The following RNF123 variants were observed in gnomAD, a reference collection of about 807,000 sequenced individuals.
The protein encoded by RNF123 is ring finger protein 123.
Under a neutral mutation model 168.5 loss-of-function variants are expected in RNF123, and 86 were observed. The ratio of observed to expected loss-of-function variants is 0.51; its 90% CI spans 0.43 to 0.61. The LOEUF (loss-of-function observed/expected upper bound fraction) is 0.61, where lower values mean the gene tolerates loss of function less well. Ranked by LOEUF, RNF123 falls within the 20% of genes least tolerant of loss-of-function variation. RNF123 has a pLI of 0.00. For synonymous variants in RNF123, 666 were observed against 689.1 expected (o/e 0.97, Z 0.52); for missense variants, 1,419 against 1,729.7 (o/e 0.82, Z 3.19).
At chr3:49,694,709 G>A (rs1486212387) in intron 3 of RNF123, among the ~76,000 whole-genome samples, 1 of 152,182 alleles carries the variant, frequency 6.6e-6, no homozygotes, top group African/African-American at 2.4e-5. Flanking sequence ...AGGCAGCAAC[G>A]TTACCTGTTC....
chr3:49,713,599 C>G lies in RNF123; in HGVS notation c.2749+12C>G. 2 of 1,610,160 alleles carry G rather than the reference C, an allele frequency of 1.2e-6. No homozygotes were observed. Among genetic ancestry groups the G allele is most frequent in the Non-Finnish European group, 1.7e-6 (2 of 1,178,304 alleles). ...CATTGTGGGCACTGGTGAGGGGCCC[C>G]TACAGAGGGTACAGGGGGAGGGGGA... On this transcript the variant is annotated intron_variant, in intron 28 of 38. Transcript: ENST00000327697.
chr3:49,701,824 C>A lies in RNF123; in HGVS notation c.1409C>A (p.Thr470Lys). The A allele has an allele frequency of 6.4e-7, 1 of 1,572,558 alleles. No homozygotes were observed. The highest frequency in any genetic ancestry group is 8.6e-7 in the Non-Finnish European group (1 of 1,159,164). Residue 470 changes from threonine (T) to lysine (K), a missense_variant, in exon 17 of 39, where the codon ACG becomes AAG. By Grantham distance (78) the Thr-to-Lys change is moderately conservative. Around this residue, in one of 5 missense-constraint regions of RNF123, gnomAD observed 349 missense variants for 344.9 expected, o/e 1.01. Transcript: ENST00000327697. ...HCSSREGKES[T>K]EMKEETAEER... ...ACCCCTGCCTAGGGCAAAGAGAGCACGGAGATGAAGGAGGAGACCGCAGAG... is the reference window on the plus strand; with the variant it reads ...ACCCCTGCCTAGGGCAAAGAGAGCAAGGAGATGAAGGAGGAGACCGCAGAG...
In RNF123 at chr3:49,697,872, C is replaced by G. The variant is rs771235721; in HGVS notation, c.343-13C>G. The G allele has an allele frequency of 6.2e-7, 1 of 1,614,062 alleles. No individual in the cohort carries two copies. Among genetic ancestry groups the G allele is most frequent in the Non-Finnish European group, 8.5e-7 (1 of 1,180,042 alleles). On this transcript the variant is annotated splice_polypyrimidine_tract_variant and intron_variant, in intron 5 of 38. Coordinates refer to ENST00000327697, the MANE Select transcript of RNF123 (RefSeq NM_022064.5). ...GCCTGGGAGCTAGCCCACCACCCCT[C>G]TTCTTCACCCAGGTGATTGGACACA...
chr3:49,694,073 G>A (rs1019094158), intron 3 of RNF123, among the ~76,000 whole-genome samples: 7 of 151,980 alleles, frequency 4.6e-5, no homozygotes, highest in African/African-American at 9.7e-5. Context: ...TTTGTTGATC[G>A]TTTACTTTGC....
At chr3:49,697,483 C>T (rs773254792) in intron 5 of RNF123, 26 bp downstream of exon 5, 2 of 1,531,968 alleles carry the variant, frequency 1.3e-6, no homozygotes, top group Admixed American at 1.9e-5. Flanking sequence ...GTGTGGAGAC[C>T]CAGGTCCAGC....
chr3:49,719,274 C>T (rs758165560), intron 35 of RNF123: 4 of 1,613,346 alleles, frequency 2.5e-6, no homozygotes, highest in Admixed American at 1.7e-5. Flanking sequence ...GGTCGAGGTC[C>T]GCAGTAGCGG....
chr3:49,717,892 G>T lies in RNF123; in HGVS notation c.3500+1415G>T. The T allele has an allele frequency of 1.9e-6, 3 of 1,541,648 alleles. No homozygotes were observed. The East Asian group carries it at 6.8e-5, about 35-fold the overall frequency. ...GTATCTGCCAGTTCTCTGGACCGAA[G>T]CAGGGAGCAGGGCGAGCAGCAAGAG... On this transcript the variant is annotated intron_variant, in intron 35 of 38. Coordinates refer to ENST00000327697, the MANE Select transcript of RNF123 (RefSeq NM_022064.5).
At position 49,699,390 on chromosome 3, in the gene RNF123, G is replaced by A. The variant is rs961906809; in HGVS notation, c.765-78G>A. ...AGCCCTGCCCTAGAGCCCAGGCCCC[G>A]GGGTGGGGGGTGGGCAGTGGAGAGG... On this transcript the variant is annotated intron_variant, in intron 10 of 38. Coordinates refer to ENST00000327697, the MANE Select transcript of RNF123 (RefSeq NM_022064.5). The surrounding 1 kb of genome is among the most constrained non-coding windows in gnomAD (Gnocchi z 4.8). 5 of 1,282,958 alleles carry A rather than the reference G, an allele frequency of 3.9e-6. No individual in the cohort carries two copies. Among genetic ancestry groups the A allele is most frequent in the East Asian group, 2.5e-5 (1 of 39,426 alleles). 79.5% of individuals were successfully genotyped at this position (1,282,958 alleles called of 1,614,324 possible).
intron 23 of RNF123, 32 bp downstream of exon 23, chr3:49,705,214 G>A (rs746799631): frequency 6.5e-5 from 102 of 1,571,912 alleles, no homozygotes; most frequent in Non-Finnish European, 8.2e-5. Flanking sequence ...GCAGGTCCCC[G>A]AAGGACCCTT....
In RNF123 at chr3:49,698,757, G is replaced by A. The variant is rs201247664; in HGVS notation, c.573G>A (p.Ala191=). Residue 191 remains alanine, a splice_region_variant and synonymous_variant, in exon 9 of 39, where the codon GCG becomes GCA. Coordinates refer to ENST00000327697, the MANE Select transcript of RNF123 (RefSeq NM_022064.5). The part of the protein sequence containing the change: ...WNVTTTNYGK[A]WAAGDIVSCL... ...GGTGAGGCCTCCTCTCATGGCAGGCGTGGGCAGCGGGGGACATCGTGAGCT... is the reference window on the plus strand; with the variant it reads ...GGTGAGGCCTCCTCTCATGGCAGGCATGGGCAGCGGGGGACATCGTGAGCT... 55 of 1,613,436 alleles carry A rather than the reference G, an allele frequency of 3.4e-5. No homozygotes were observed. Among genetic ancestry groups the A allele is most frequent in the South Asian group, 1.4e-4 (13 of 91,054 alleles).
At chr3:49,711,430 C>T (rs1258930729) in intron 26 of RNF123, among the ~76,000 whole-genome samples, 7 of 152,178 alleles carry the variant, frequency 4.6e-5, no homozygotes, top group South Asian at 2.1e-4. Flanking sequence ...CATCTCAATC[C>T]GGCCGGCACA....
chr3:49,698,026 C>T (rs779770439), intron 6 of RNF123, 26 bp from the exon 7 acceptor site: 10 of 1,612,904 alleles, frequency 6.2e-6, no homozygotes, highest in African/African-American at 2.7e-5. Context: ...TTGTCCACCT[C>T]GTGGCCCTAA....
In RNF123 at chr3:49,705,860, G is replaced by A. The variant is rs577920047; in HGVS notation, c.2305-122G>A. The A allele has an allele frequency of 4.2e-6, 6 of 1,430,144 alleles. No homozygotes were observed. In the African/African-American group the frequency reaches 5.6e-5, roughly 13 times the overall value. The allele number at this position is 1,430,144 out of a possible 1,614,324, so 88.6% of individuals were successfully genotyped here. A position where few individuals can be genotyped will look rare whatever the true frequency, so the allele number is the denominator to read the frequency against. On this transcript the variant is annotated intron_variant, in intron 24 of 38. Transcript: ENST00000327697. ...CAGTCTGACCTGCTGACTGTTGTGG[G>A]AATGGGACCGCCCTGGGCCTAAGGT... is the stretch of plus-strand genomic sequence containing the variant.
At chr3:49,713,080 G>T (rs2080174480) in intron 27 of RNF123, 4 of 605,012 alleles carry the variant, frequency 6.6e-6, no homozygotes, top group Non-Finnish European at 5.9e-6. Context: ...GTCCACATCC[G>T]AACCTGGGCC....
intron 3 of RNF123, among the ~76,000 whole-genome samples, chr3:49,693,518 A>G (rs377063915): frequency 2.0e-5 from 3 of 151,308 alleles, no homozygotes; most frequent in Admixed American, 2.0e-4. Context: ...CACCACACCC[A>G]GTTAATTTTG....
rs1454906834 is a variant in RNF123, at chr3:49,703,595, C to T, written c.1852+67C>T. 2.2e-6 allele frequency: 3 copies of T among 1,347,346 alleles called. No individual in the cohort carries two copies. In the East Asian group the frequency reaches 7.4e-5, roughly 33 times the overall value. The allele number at this position is 1,347,346 out of a possible 1,614,324, so 83.5% of individuals were successfully genotyped here. A position where few individuals can be genotyped will look rare whatever the true frequency, so the allele number is the denominator to read the frequency against. On this transcript the variant is annotated intron_variant, in intron 21 of 38. Coordinates refer to ENST00000327697, the MANE Select transcript of RNF123 (RefSeq NM_022064.5). ...GTGGGGGACTGTCCCTGAGCCTGCT[C>T]TGCTGTGGATGCTGAGCCATCCTAT...
chr3:49,717,801 A>G, intron 35 of RNF123: 1 of 833,190 alleles, frequency 1.2e-6, no homozygotes, highest in Non-Finnish European at 1.8e-6. Flanking sequence ...CCAGTGAGCG[A>G]GAAGGCCCAT....
Position 49,706,071 on chromosome 3 carries a change from G to A in RNF123, c.2388+6G>A. 1 of 1,613,636 alleles carries A rather than the reference G, an allele frequency of 6.2e-7. No individual in the cohort carries two copies. The highest frequency in any genetic ancestry group is 1.7e-5 in the Admixed American group (1 of 60,024). On this transcript the variant is annotated splice_donor_region_variant and intron_variant, in intron 25 of 38. Coordinates refer to ENST00000327697, the MANE Select transcript of RNF123 (RefSeq NM_022064.5). Reference sequence around the variant, plus strand: ...TCCGCCGGTGCCCCAAGAGGGTAAGGCCCACATAGTCTTGGTGAGGGGCAG... The same window carrying A: ...TCCGCCGGTGCCCCAAGAGGGTAAGACCCACATAGTCTTGGTGAGGGGCAG...
intron 21 of RNF123, 110 bp downstream of exon 21, chr3:49,703,638 C>A: frequency 1.3e-6 from 1 of 785,088 alleles, no homozygotes; most frequent in Non-Finnish European, 2.0e-6. Flanking sequence ...AGAGGGTGCC[C>A]AAGTCTTTCC....
Sources: allele counts gnomAD v4.1 joint callset (sites outside exome capture counted in the v4.1 genomes callset), GRCh38; gene constraint gnomAD v4.1.1; regional missense constraint gnomAD v4.1.1; non-coding constraint Gnocchi (gnomAD v3.1); transcripts MANE v1.5; gene names NCBI Gene and HGNC (gene_info 2026-07-23, HGNC 2026-07-21).